The following SBF2 variants were observed in gnomAD, a reference collection of about 807,000 sequenced individuals.
SBF2 encodes the protein myotubularin-related protein 13.
A neutral mutation model predicts 225.2 loss-of-function variants in SBF2; 112 were observed. The ratio of observed to expected loss-of-function variants is 0.50; its 90% CI spans 0.43 to 0.58. SBF2 has a LOEUF of 0.58. SBF2 is among the 20% of genes least tolerant of loss of function. SBF2 has a pLI of 0.00. For missense variants in SBF2, 1,996 were observed against 2,206.2 expected (o/e 0.90, Z 1.91); for synonymous variants, 763 against 773.3 (o/e 0.99, Z 0.22).
intron 1 of SBF2, among the ~76,000 whole-genome samples, chr11:10,288,168 C>G (rs1027554197): frequency 2.6e-5 from 4 of 152,234 alleles, no homozygotes; most frequent in African/African-American, 7.2e-5. Flanking sequence ...CTCTTATCTC[C>G]CTTCCTTCAC....
intron 1 of SBF2, among the ~76,000 whole-genome samples, chr11:10,286,371 GTCTT>G (rs1963786483): frequency 7.0e-6 from 1 of 143,660 alleles, no homozygotes. Flanking sequence ...TTTTGAGACA[GTCTT>G]GCTCTGTCGC....
chr11:10,129,621 T>C (rs1213980089), intron 2 of SBF2, among the ~76,000 whole-genome samples: 2 of 152,222 alleles, frequency 1.3e-5, no homozygotes, highest in Non-Finnish European at 2.9e-5. Context: ...GACATGAGAA[T>C]TATTCAGTTT....
At chr11:10,122,402 G>C (rs1363898790) in intron 2 of SBF2, among the ~76,000 whole-genome samples, 1 of 152,084 alleles carries the variant, frequency 6.6e-6, no homozygotes, top group East Asian at 1.9e-4. Flanking sequence ...CAGCTAAGTG[G>C]GGACTAATAT....
chr11:10,214,213 C>T (rs1038388235), intron 1 of SBF2, among the ~76,000 whole-genome samples: 3 of 152,126 alleles, frequency 2.0e-5, no homozygotes, highest in Non-Finnish European at 2.9e-5. Flanking sequence ...ACCAGTAGCA[C>T]CCTGCTCCCC....
In SBF2 at chr11:9,808,038, C is replaced by T; in HGVS notation, c.4405G>A (p.Ala1469Thr). Reference sequence around the variant, plus strand: ...TCTAAGAACTGTAAGAAGACTGGAGCAAAACCACTCCCCTGACAGTTGAGG... The same window carrying T: ...TCTAAGAACTGTAAGAAGACTGGAGTAAAACCACTCCCCTGACAGTTGAGG... Reference protein sequence around the residue: ...LTLNCQGSGFAPVFLQFLDCV... With the variant: ...LTLNCQGSGFTPVFLQFLDCV... Residue 1469 changes from alanine (A) to threonine (T), a missense_variant, in exon 32 of 40, where the codon GCT becomes ACT. Physicochemically the swap from Ala to Thr is moderately conservative, Grantham distance 58. Transcript: ENST00000256190. 1 of 1,614,144 alleles carries T rather than the reference C, an allele frequency of 6.2e-7. No individual in the cohort carries two copies. Among genetic ancestry groups the T allele is most frequent in the Non-Finnish European group, 8.5e-7 (1 of 1,180,020 alleles).
At chr11:10,269,791 C>T (rs1213970274) in intron 1 of SBF2, among the ~76,000 whole-genome samples, 1 of 152,062 alleles carries the variant, frequency 6.6e-6, no homozygotes, top group Non-Finnish European at 1.5e-5. Flanking sequence ...AAATGGGGTC[C>T]CACTCTGTCA....
At chr11:10,220,164 T>C (rs1958291030) in intron 1 of SBF2, among the ~76,000 whole-genome samples, 1 of 152,158 alleles carries the variant, frequency 6.6e-6, no homozygotes. Context: ...GCAAAGGAGA[T>C]GCAAAGGAAC....
In SBF2 at chr11:9,963,831, T is replaced by A; in HGVS notation, c.1652A>T (p.Glu551Val). ...TTVFNSAQRL[E>V]VVRNCISFIF... ...GAATGAGATACAGTTTCTGACAACT[T>A]CTAGTCTTTGTGCACTGTTGAAAAC... The change falls in exon 15 of 40, where the codon GAA becomes GTA. Residue 551 changes from glutamate (E) to valine (V), a missense_variant. Physicochemically the swap from Glu to Val is moderately radical, Grantham distance 121. Coordinates refer to ENST00000256190, the MANE Select transcript of SBF2 (RefSeq NM_030962.4). 3.7e-6 allele frequency: 6 copies of A among 1,611,886 alleles called. No individual in the cohort carries two copies. Among genetic ancestry groups the A allele is most frequent in the Non-Finnish European group, 4.2e-6 (5 of 1,178,352 alleles).
At chr11:9,979,844 C>G (rs1218466810) in intron 13 of SBF2, among the ~76,000 whole-genome samples, 2 of 144,344 alleles carry the variant, frequency 1.4e-5, no homozygotes, top group Non-Finnish European at 3.0e-5. Flanking sequence ...GGGTCTTGCT[C>G]TGTTGCCCAG....
At chr11:10,130,505 T>C (rs940025478) in intron 2 of SBF2, among the ~76,000 whole-genome samples, 1 of 152,200 alleles carries the variant, frequency 6.6e-6, no homozygotes, top group African/African-American at 2.4e-5. Context: ...CTTTACTCAG[T>C]TCCCCCCATG....
At chr11:10,013,363 C>G (rs1042069411) in intron 6 of SBF2, among the ~76,000 whole-genome samples, 1 of 152,336 alleles carries the variant, frequency 6.6e-6, no homozygotes, top group Admixed American at 6.5e-5. Context: ...CACTACCAGT[C>G]TCACTGACAA....
At chr11:9,909,906 C>G (rs1002834672) in intron 16 of SBF2, among the ~76,000 whole-genome samples, 4 of 151,800 alleles carry the variant, frequency 2.6e-5, no homozygotes, top group African/African-American at 9.7e-5. Flanking sequence ...CATGGCAGAT[C>G]AAAGAAGAAA....
chr11:9,903,277 G>A (rs988430217), intron 16 of SBF2, among the ~76,000 whole-genome samples: 3 of 151,932 alleles, frequency 2.0e-5, no homozygotes, highest in Non-Finnish European at 2.9e-5. Context: ...AGCCAAGATC[G>A]TGCCACTGCA....
chr11:9,973,712 A>G (rs1213944253), intron 13 of SBF2, among the ~76,000 whole-genome samples: 1 of 152,148 alleles, frequency 6.6e-6, no homozygotes, highest in Non-Finnish European at 1.5e-5. Context: ...CTAAGTGAGA[A>G]TATGCCTAGG....
intron 2 of SBF2, among the ~76,000 whole-genome samples, chr11:10,076,751 T>G (rs1165530778): frequency 1.3e-5 from 2 of 152,192 alleles, no homozygotes; most frequent in Non-Finnish European, 2.9e-5. Context: ...TGTCCCTGTA[T>G]TGGCTCTTTG....
intron 4 of SBF2, among the ~76,000 whole-genome samples, chr11:10,030,789 A>G (rs1949222762): frequency 6.6e-6 from 1 of 152,196 alleles, no homozygotes; most frequent in South Asian, 2.1e-4. Flanking sequence ...TAGGATGTAT[A>G]CATTCTGGAT....
chr11:10,230,172 C>T (rs2135431115), intron 1 of SBF2, among the ~76,000 whole-genome samples: 1 of 152,202 alleles, frequency 6.6e-6, no homozygotes, highest in East Asian at 1.9e-4. Flanking sequence ...CTTGGTAGAT[C>T]TTCCATCCCT....
chr11:10,274,590 A>G (rs1248971023), intron 1 of SBF2, among the ~76,000 whole-genome samples: 3 of 152,082 alleles, frequency 2.0e-5, no homozygotes, highest in East Asian at 1.9e-4. Context: ...GTCTCTACTA[A>G]TAATACAAAA....
chr11:10,124,867 G>C (rs1953666807), intron 2 of SBF2, among the ~76,000 whole-genome samples: 1 of 152,096 alleles, frequency 6.6e-6, no homozygotes, highest in South Asian at 2.1e-4. Flanking sequence ...CACTTTGGGA[G>C]GCCGAGGCAG....
Sources: gnomAD v4.1 joint callset for allele counts (sites outside exome capture counted in the v4.1 genomes callset) on GRCh38, gnomAD v4.1.1 for gene constraint, MANE v1.5 for transcripts, NCBI Gene and HGNC (gene_info 2026-07-23, HGNC 2026-07-21) for gene names.